ARHGAP11A: variants seen among roughly 807,000 people sequenced by gnomAD.
ARHGAP11A encodes the protein rho GTPase-activating protein 11A.
In ARHGAP11A, 36 loss-of-function variants were observed where a neutral mutation model predicts 60.5. That is an observed-to-expected ratio of 0.59 (90% CI 0.46 to 0.79). The LOEUF is 0.79. Among genes scored for constraint, ARHGAP11A ranks in the 30% least tolerant of loss-of-function variants. The probability of loss-of-function intolerance (pLI) is 0.00; values close to 1 mark genes in which losing one functional copy is unlikely to be tolerated. For synonymous variants in ARHGAP11A, 362 were observed against 415.5 expected (o/e 0.87, Z 1.57); for missense variants, 1,071 against 1,199.2 (o/e 0.89, Z 1.58).
intron 6 of ARHGAP11A, among the ~76,000 whole-genome samples, chr15:32,628,455 C>G (rs1183968142): frequency 6.6e-6 from 1 of 152,158 alleles, no homozygotes; most frequent in African/African-American, 2.4e-5. Flanking sequence ...ATTTCTTTTT[C>G]CCTACCCTTA....
chr15:32,635,395 A>T (rs1185185127), intron 10 of ARHGAP11A, among the ~76,000 whole-genome samples: 2 of 152,190 alleles, frequency 1.3e-5, no homozygotes, highest in Non-Finnish European at 2.9e-5. Flanking sequence ...AATATAATTT[A>T]CTGTTTATCT....
Position 32,636,271 on chromosome 15 carries a change from AG to A in ARHGAP11A, c.1499del (p.Ser500IlefsTer8). 6.2e-7 allele frequency: 1 copy of A among 1,601,846 alleles called. No homozygotes were observed. Among genetic ancestry groups the A allele is most frequent in the Middle Eastern group, 1.7e-4 (1 of 5,968 alleles). On this transcript the variant is annotated frameshift_variant, in exon 12 of 12. Coordinates refer to ENST00000361627, the MANE Select transcript of ARHGAP11A (RefSeq NM_014783.6). LOFTEE classifies it low-confidence loss of function (END_TRUNC). Reference sequence around the variant, plus strand: ...CTTTATTTTAGGTTCAGAAAAGATCAGTAAGTCTGAGGAAACCTTACTAACT... The same window carrying A: ...CTTTATTTTAGGTTCAGAAAAGATCATAAGTCTGAGGAAACCTTACTAACT... ...KLPKKGSEKI[S>X]KSEETLLTPE...
rs754006401 is a variant in ARHGAP11A, at chr15:32,635,886, C to T, written c.1454C>T (p.Pro485Leu). ...ESVKTGLLFS[P>L]DVDEKLPKKG... The stretch of plus-strand genomic sequence containing the variant: ...GTAAAAACAGGTTTGCTTTTTAGCC[C>T]AGATGTTGATGAAAAGTTACCAAAG... Residue 485 changes from proline to leucine, a missense_variant, in exon 11 of 12, where the codon CCA becomes CTA. Transcript: ENST00000361627. 4 of 1,609,122 alleles carry T rather than the reference C, an allele frequency of 2.5e-6. No individual in the cohort carries two copies. Among genetic ancestry groups the T allele is most frequent in the Non-Finnish European group, 3.4e-6 (4 of 1,178,558 alleles).
chr15:32,628,604 A>G, intron 6 of ARHGAP11A, 124 bp from the exon 7 acceptor site: 2 of 684,020 alleles, frequency 2.9e-6, no homozygotes, highest in Non-Finnish European at 4.8e-6. Context: ...TTCCTCTTAA[A>G]TAACTTAAAA....
At chr15:32,618,156 A>C (rs1279163516) in intron 1 of ARHGAP11A, among the ~76,000 whole-genome samples, 1 of 152,254 alleles carries the variant, frequency 6.6e-6, no homozygotes, top group Non-Finnish European at 1.5e-5. Flanking sequence ...GTTTGTTTGA[A>C]AACAATTTCT....
At chr15:32,635,041 A>T (rs533404632) in intron 10 of ARHGAP11A, among the ~76,000 whole-genome samples, 114 of 151,604 alleles carry the variant, frequency 7.5e-4, no homozygotes, top group Non-Finnish European at 1.5e-3. Context: ...TCTGCTCAGA[A>T]CTCTCCAGTG....
In ARHGAP11A at chr15:32,615,722, G is replaced by C. The variant is rs2053120147; in HGVS notation, c.-490G>C. The C allele has an allele frequency of 6.5e-6, 1 of 153,182 alleles. No individual in the cohort carries two copies. The highest frequency in any genetic ancestry group is 2.0e-4 in the South Asian group (1 of 4,916). The allele number at this position is 153,182 out of a possible 1,614,324, so 9.5% of individuals were successfully genotyped here. A position where few individuals can be genotyped will look rare whatever the true frequency, so the allele number is the denominator to read the frequency against. ...AGTTGCCTGAGCAGCCGGCTGGTCCGGCGGCCAGGCTAGGGCGGGGGCGAG... is the reference window on the plus strand; with the variant it reads ...AGTTGCCTGAGCAGCCGGCTGGTCCCGCGGCCAGGCTAGGGCGGGGGCGAG... On this transcript the variant is annotated 5_prime_UTR_variant, in exon 1 of 12. Transcript: ENST00000361627.
chr15:32,631,093 T>A (rs950948854), intron 8 of ARHGAP11A, among the ~76,000 whole-genome samples: 4 of 152,222 alleles, frequency 2.6e-5, no homozygotes, highest in African/African-American at 9.6e-5. Context: ...TATAAAAAAA[T>A]TTAAAAGTTC....
At chr15:32,619,099 C>T (rs964460164) in intron 1 of ARHGAP11A, among the ~76,000 whole-genome samples, 3 of 152,088 alleles carry the variant, frequency 2.0e-5, no homozygotes, top group African/African-American at 4.8e-5. Flanking sequence ...TACTGTGTTG[C>T]GTCATTGACA....
rs770793060 is a variant in ARHGAP11A at position 32,616,289 on chromosome 15, C to T, written c.78C>T (p.Val26=). Residue 26 remains valine, a synonymous_variant, in exon 1 of 12, where the codon GTC becomes GTT. Coordinates refer to ENST00000361627, the MANE Select transcript of ARHGAP11A (RefSeq NM_014783.6). Reference sequence around the variant, plus strand: ...TCTATGGTATTAAGGTGAAGGGTGTCCGTGGGCAGTGCGATCGCAGGAGAC... The same window carrying T: ...TCTATGGTATTAAGGTGAAGGGTGTTCGTGGGCAGTGCGATCGCAGGAGAC... The part of the protein sequence containing the change: ...RAFYGIKVKG[V]RGQCDRRRHE... The T allele has an allele frequency of 1.2e-6, 2 of 1,613,816 alleles. No homozygotes were observed. Among genetic ancestry groups the T allele is most frequent in the African/African-American group, 2.7e-5 (2 of 74,828 alleles).
rs2053615853 is a variant in ARHGAP11A, at chr15:32,632,873, C to T, written c.1106-106C>T. Reference sequence around the variant, plus strand: ...AGAAATTAAGTGATTTCGGTTGTTGCTTGGGATAGAAATTAAGGCTTTGAA... The same window carrying T: ...AGAAATTAAGTGATTTCGGTTGTTGTTTGGGATAGAAATTAAGGCTTTGAA... On this transcript the variant is annotated intron_variant, in intron 8 of 11. Transcript: ENST00000361627. 2.8e-6 allele frequency: 3 copies of T among 1,058,796 alleles called. No individual in the cohort carries two copies. In the East Asian group the frequency reaches 7.8e-5, roughly 28 times the overall value. The allele number at this position is 1,058,796 out of a possible 1,614,324, so 65.6% of individuals were successfully genotyped here.
chr15:32,622,064 A>G lies in ARHGAP11A; in HGVS notation c.201-1428A>G, dbSNP rs545398830. ...CACTGTCTTCTTAGGTAACCGCTTA[A>G]CCATTTTGCTCTTTAAATGACCTAT... is the stretch of plus-strand genomic sequence containing the variant. On this transcript the variant is annotated intron_variant, in intron 2 of 11. Coordinates refer to ENST00000361627, the MANE Select transcript of ARHGAP11A (RefSeq NM_014783.6). Among the ~76,000 whole-genome samples, 32 of 152,418 alleles carry G rather than the reference A, an allele frequency of 2.1e-4. No homozygotes were observed. The East Asian group carries it at 6.0e-3, about 28-fold the overall frequency.
At chr15:32,622,060 C>T (rs866314110) in intron 2 of ARHGAP11A, among the ~76,000 whole-genome samples, 1,963 of 151,412 alleles carry the variant, frequency 0.013, no homozygotes, top group African/African-American at 0.046. Flanking sequence ...TAGGTAACCG[C>T]TTAACCATTT....
rs2053547721 is a variant in ARHGAP11A, at chr15:32,629,758, A to G, written c.1101A>G (p.Val367=). The G allele has an allele frequency of 6.2e-7, 1 of 1,601,084 alleles. No homozygotes were observed. The highest frequency in any genetic ancestry group is 1.3e-5 in the African/African-American group (1 of 74,110). The change falls in exon 8 of 12, where the codon GTA becomes GTG. Residue 367 remains valine, a synonymous_variant. Coordinates refer to ENST00000361627, the MANE Select transcript of ARHGAP11A (RefSeq NM_014783.6). Reference sequence around the variant, plus strand: ...TCTTCAATAGCAGTTCTACACCGGTATCAGGTAGCAAATAGAATTTATATA... The same window carrying G: ...TCTTCAATAGCAGTTCTACACCGGTGTCAGGTAGCAAATAGAATTTATATA... ...SNLFNSSSTP[V]SVHIDTSSEG...
chr15:32,632,992 A>G lies in ARHGAP11A; in HGVS notation c.1119A>G (p.Thr373=). The G allele has an allele frequency of 6.2e-7, 1 of 1,613,216 alleles. No individual in the cohort carries two copies. The change falls in exon 9 of 12, where the codon ACA becomes ACG. Residue 373 remains threonine, a synonymous_variant. Coordinates refer to ENST00000361627, the MANE Select transcript of ARHGAP11A (RefSeq NM_014783.6). ...TTATTTTTGTAGTTCACATCGATAC[A>G]AGCTCAGAAGGGTCATCTCAGAGTT... ...SSTPVSVHID[T]SSEGSSQSSL...
chr15:32,627,300 C>T (rs1197293934), intron 6 of ARHGAP11A, among the ~76,000 whole-genome samples: 1 of 151,950 alleles, frequency 6.6e-6, no homozygotes, highest in Non-Finnish European at 1.5e-5. Context: ...ATTCCATTTT[C>T]TTCTAACAGC....
intron 1 of ARHGAP11A, among the ~76,000 whole-genome samples, chr15:32,618,737 C>T (rs2053222029): frequency 6.6e-6 from 1 of 150,744 alleles, no homozygotes; most frequent in African/African-American, 2.4e-5. Flanking sequence ...AGATCGAGAC[C>T]ATCCTAGCTA....
At position 32,637,423 on chromosome 15, in the gene ARHGAP11A, A is replaced by G. The variant is rs34173159; in HGVS notation, c.2650A>G (p.Ile884Val). 51,098 of 1,614,124 alleles carry G rather than the reference A, an allele frequency of 0.032. 903 individuals are homozygous for G. Among genetic ancestry groups the G allele is most frequent in the Non-Finnish European group, 0.036 (42,363 of 1,179,992 alleles). Reference protein sequence around the residue: ...VSCDGALSSCIESASKDSSVS... With the variant: ...VSCDGALSSCVESASKDSSVS... Reference sequence around the variant, plus strand: ...CTGTGACGGTGCTCTTTCCTCTTGTATAGAAAGTGCATCAAAAGATTCCTC... The same window carrying G: ...CTGTGACGGTGCTCTTTCCTCTTGTGTAGAAAGTGCATCAAAAGATTCCTC... The change falls in exon 12 of 12, where the codon ATA becomes GTA. Residue 884 changes from isoleucine to valine, a missense_variant. Physicochemically the swap from Ile to Val is conservative, Grantham distance 29 (BLOSUM62 3). This residue lies in a region of ARHGAP11A where 776 missense variants were observed against 760.2 expected (regional missense o/e 1.02). Coordinates refer to ENST00000361627, the MANE Select transcript of ARHGAP11A (RefSeq NM_014783.6).
In ARHGAP11A at chr15:32,632,965, G is replaced by A. The variant is rs1421814080; in HGVS notation, c.1106-14G>A. 2 of 1,607,050 alleles carry A rather than the reference G, an allele frequency of 1.2e-6. No individual in the cohort carries two copies. Among genetic ancestry groups the A allele is most frequent in the African/African-American group, 1.3e-5 (1 of 74,756 alleles). ...TAGATATGTGTGGTATATTACATGT[G>A]GTTATTTTTGTAGTTCACATCGATA... On this transcript the variant is annotated splice_polypyrimidine_tract_variant and intron_variant, in intron 8 of 11. Transcript: ENST00000361627.
Sources: allele counts gnomAD v4.1 joint callset (sites outside exome capture counted in the v4.1 genomes callset), GRCh38; gene constraint gnomAD v4.1.1; regional missense constraint gnomAD v4.1.1; transcripts MANE v1.5; gene names NCBI Gene and HGNC (gene_info 2026-07-23, HGNC 2026-07-21).